Variants in BNIPL observed in about 807,000 individuals in gnomAD.
BNIPL encodes the protein bcl-2/adenovirus E1B 19 kDa-interacting protein 2-like protein.
Under a neutral mutation model 47.0 loss-of-function variants are expected in BNIPL, and 33 were observed. The ratio of observed to expected loss-of-function variants is 0.70; its 90% CI spans 0.53 to 0.94. The LOEUF (loss-of-function observed/expected upper bound fraction) is 0.94. BNIPL is among the 40% of genes least tolerant of loss of function. The pLI is 0.00. For missense variants in BNIPL, 404 were observed against 445.2 expected (o/e 0.91, Z 0.83); for synonymous variants, 145 against 162.7 (o/e 0.89, Z 0.83).
rs1185923090 is a variant in BNIPL at position 151,047,421 on chromosome 1, G to A, written c.*734G>A. ...AGCCAGCCTGCCTGCTGGGAGCCAG[G>A]AGAGTCAGCTCATTAAATCTTGAAG... On this transcript the variant is annotated 3_prime_UTR_variant, in exon 10 of 10. Transcript: ENST00000368931. The A allele has an allele frequency of 1.2e-5, 2 of 164,726 alleles. No individual in the cohort carries two copies. Among genetic ancestry groups the A allele is most frequent in the African/African-American group, 4.8e-5 (2 of 41,750 alleles). 10.2% of individuals were successfully genotyped at this position (164,726 alleles called of 1,614,324 possible).
chr1:151,045,065 C>G, intron 7 of BNIPL: 2 of 734,004 alleles, frequency 2.7e-6, no homozygotes, highest in Non-Finnish European at 3.7e-6. Flanking sequence ...GAGTTCAAGA[C>G]CAGCCTGGCC....
Position 151,038,000 on chromosome 1 carries a change from C to CAAAAAAA in BNIPL, c.137+361_137+367dup, listed in dbSNP as rs58423611. On this transcript the variant is annotated intron_variant, in intron 2 of 9. Transcript: ENST00000368931. The stretch of plus-strand genomic sequence containing the variant: ...GGGCAACAAGAGTGAAACTCTGTCT[C>CAAAAAAA]AAAAAAAAAAAAAAAAAAAAAAAAA... Among the ~76,000 whole-genome samples, 27 of 63,952 alleles carry CAAAAAAA rather than the reference C, an allele frequency of 4.2e-4. 2 individuals carry two copies. Among genetic ancestry groups the CAAAAAAA allele is most frequent in the African/African-American group, 1.7e-3 (18 of 10,690 alleles). The allele number at this position is 63,952 out of a possible 152,430, so 42.0% of individuals were successfully genotyped here.
intron 2 of BNIPL, 84 bp from the exon 3 acceptor site, chr1:151,038,420 T>G: frequency 1.0e-6 from 1 of 983,528 alleles, no homozygotes; most frequent in Non-Finnish European, 1.6e-6. Flanking sequence ...AAAATCATGG[T>G]GGGGAGAGAG....
chr1:151,045,466 G>C (rs927189404), intron 7 of BNIPL: 1 of 213,570 alleles, frequency 4.7e-6, no homozygotes, highest in African/African-American at 2.4e-5. Flanking sequence ...GGCTGAGGCA[G>C]GAGAATGGCA....
At chr1:151,042,895 T>C (rs1286491056) in intron 4 of BNIPL, 61 bp from the exon 5 acceptor site, 1 of 1,321,528 alleles carries the variant, frequency 7.6e-7, no homozygotes, top group African/African-American at 1.5e-5. Flanking sequence ...TCTGAGGAAG[T>C]TACAAAAAAC....
intron 7 of BNIPL, 93 bp from the exon 8 acceptor site, chr1:151,045,704 A>G: frequency 3.1e-6 from 5 of 1,590,346 alleles, no homozygotes; most frequent in Middle Eastern, 1.7e-4. Flanking sequence ...TAGAGAAGTG[A>G]ATGAAGGAAG....
In BNIPL at chr1:151,045,786, T is replaced by G. The variant is rs1571844513; in HGVS notation, c.852-11T>G. 1.2e-6 allele frequency: 2 copies of G among 1,614,140 alleles called. No individual in the cohort carries two copies. Among genetic ancestry groups the G allele is most frequent in the East Asian group, 4.5e-5 (2 of 44,878 alleles). On this transcript the variant is annotated splice_polypyrimidine_tract_variant and intron_variant, in intron 7 of 9. Coordinates refer to ENST00000368931, the MANE Select transcript of BNIPL (RefSeq NM_138278.4). ...GAAGAAGAAATAGGATGATCTCATG[T>G]TGTTTTTCAGGCTACGGAAAAACCT...
intron 4 of BNIPL, among the ~76,000 whole-genome samples, chr1:151,040,367 G>A (rs1156752926): frequency 6.6e-6 from 1 of 151,430 alleles, no homozygotes; most frequent in African/African-American, 2.4e-5. Context: ...TTTTTGTAGA[G>A]ACAGGGTCTT....
chr1:151,043,280 T>C lies in BNIPL; in HGVS notation c.617-52T>C, dbSNP rs1432831420. The C allele has an allele frequency of 1.3e-5, 20 of 1,524,150 alleles. No homozygotes were observed. In the South Asian group the frequency reaches 2.2e-4, roughly 17 times the overall value. 94.4% of individuals were successfully genotyped at this position (1,524,150 alleles called of 1,614,324 possible). A position where few individuals can be genotyped will look rare whatever the true frequency, so the allele number is the denominator to read the frequency against. ...TCCCTCAACTTAAACAGATATACTA[T>C]CTGTCAATACATATTTGTTGACCAA... On this transcript the variant is annotated intron_variant, in intron 5 of 9. Transcript: ENST00000368931.
Position 151,038,862 on chromosome 1 carries a change from C to G in BNIPL, c.269C>G (p.Pro90Arg), listed in dbSNP as rs778641480. 5 of 1,613,948 alleles carry G rather than the reference C, an allele frequency of 3.1e-6. No individual in the cohort carries two copies. The highest frequency in any genetic ancestry group is 4.2e-6 in the Non-Finnish European group (5 of 1,179,880). Reference protein sequence around the residue: ...QRPMRKRLSAPELRLSLTKGP... With the variant: ...QRPMRKRLSARELRLSLTKGP... ...CCCATGCGCAAGCGTCTTTCTGCCC[C>G]AGAGTTGCGGCTGAGTCTGACTAAG... Residue 90 changes from proline to arginine, a missense_variant, in exon 4 of 10, where the codon CCA becomes CGA. Coordinates refer to ENST00000368931, the MANE Select transcript of BNIPL (RefSeq NM_138278.4).
chr1:151,044,816 T>C, intron 7 of BNIPL: 1 of 1,286,948 alleles, frequency 7.8e-7, no homozygotes, highest in South Asian at 1.2e-5. Flanking sequence ...CCATCTCCAT[T>C]TGCTCACATT....
intron 1 of BNIPL, among the ~76,000 whole-genome samples, 186 bp downstream of exon 1, chr1:151,036,952 G>A (rs1031514635): frequency 6.6e-6 from 1 of 152,164 alleles, no homozygotes; most frequent in Non-Finnish European, 1.5e-5. Context: ...TGGAACTGGG[G>A]AACAGGATTC....
chr1:151,037,682 GC>G lies in BNIPL; in HGVS notation c.137+21del, dbSNP rs756981110. 2.6e-6 allele frequency: 4 copies of G among 1,566,276 alleles called. No individual in the cohort carries two copies. The highest frequency in any genetic ancestry group is 3.5e-6 in the Non-Finnish European group (4 of 1,151,470). Reference sequence around the variant, plus strand: ...CCCTAGGTGAGGACGTGTGAGGGTGGCTGGGAGAAGGGAGGGGTGGTCACGA... The same window carrying G: ...CCCTAGGTGAGGACGTGTGAGGGTGGTGGGAGAAGGGAGGGGTGGTCACGA... On this transcript the variant is annotated intron_variant, in intron 2 of 9. Coordinates refer to ENST00000368931, the MANE Select transcript of BNIPL (RefSeq NM_138278.4).
chr1:151,043,117 A>G lies in BNIPL; in HGVS notation c.595A>G (p.Lys199Glu). The G allele has an allele frequency of 6.2e-7, 1 of 1,613,350 alleles. No individual in the cohort carries two copies. The highest frequency in any genetic ancestry group is 1.7e-5 in the Admixed American group (1 of 59,764). ...RVDMTVIEPY[K>E]KVLSHGGYHG... ...AGACATGACTGTCATTGAGCCCTAT[A>G]AGAAAGTCCTGTCTCATGGAGGTAA... The change falls in exon 5 of 10, where the codon AAG becomes GAG. Residue 199 changes from lysine to glutamate, a missense_variant. By Grantham distance (56) the Lys-to-Glu change is moderately conservative. Transcript: ENST00000368931.
Position 151,038,913 on chromosome 1 carries a change from C to T in BNIPL, c.320C>T (p.Pro107Leu), listed in dbSNP as rs1478678863. ...GGGCCTGGAAATGATGGAGCTTCACCCACCCAGTCTGCACCTTCCTCTCCT... is the reference window on the plus strand; with the variant it reads ...GGGCCTGGAAATGATGGAGCTTCACTCACCCAGTCTGCACCTTCCTCTCCT... ...TKGPGNDGAS[P>L]TQSAPSSPDG... Residue 107 changes from proline (P) to leucine (L), a missense_variant, in exon 4 of 10, where the codon CCC (proline) becomes CTC (leucine). Coordinates refer to ENST00000368931, the MANE Select transcript of BNIPL (RefSeq NM_138278.4). 6.2e-7 allele frequency: 1 copy of T among 1,614,070 alleles called. No individual in the cohort carries two copies. Among genetic ancestry groups the T allele is most frequent in the Non-Finnish European group, 8.5e-7 (1 of 1,179,970 alleles).
chr1:151,044,256 A>AT (rs1675929703), intron 7 of BNIPL, among the ~76,000 whole-genome samples: 1 of 152,190 alleles, frequency 6.6e-6, no homozygotes, highest in South Asian at 2.1e-4. Context: ...AAATGCTGAG[A>AT]TTATAGGCAT....
rs2102969693 is a variant in BNIPL at position 151,047,187 on chromosome 1, C to T, written c.*500C>T. The T allele has an allele frequency of 6.5e-6, 1 of 153,664 alleles. No homozygotes were observed. 9.5% of individuals were successfully genotyped at this position (153,664 alleles called of 1,614,324 possible). On this transcript the variant is annotated 3_prime_UTR_variant, in exon 10 of 10. Transcript: ENST00000368931. ...ATGTTGGCCAGGATGGTCTCGATCT[C>T]TTGACCTCGTGATCTGCCCGCCTCG...
intron 6 of BNIPL, 74 bp downstream of exon 6, chr1:151,043,508 C>G (rs974355527): frequency 1.2e-5 from 19 of 1,554,462 alleles, no homozygotes; most frequent in Non-Finnish European, 1.4e-5. Flanking sequence ...CTTCAAAGAT[C>G]AGTAGCTGAT....
At position 151,041,112 on chromosome 1, in the gene BNIPL, G is replaced by A. The variant is rs115771746; in HGVS notation, c.434-1844G>A. ...AGGTGGGAGGATCACCTGAGCCTGG[G>A]AAGTAGAGGTTGTAGTGAGCCAAGA... is the stretch of plus-strand genomic sequence containing the variant. On this transcript the variant is annotated intron_variant, in intron 4 of 9. Transcript: ENST00000368931. Among the ~76,000 whole-genome samples the A allele has an allele frequency of 3.2e-3, 491 of 152,144 alleles. 1 individual carries two copies. Among genetic ancestry groups the A allele is most frequent in the African/African-American group, 0.012 (480 of 41,488 alleles).
Sources: allele counts gnomAD v4.1 joint callset (sites outside exome capture counted in the v4.1 genomes callset), GRCh38; gene constraint gnomAD v4.1.1; transcripts MANE v1.5; gene names NCBI Gene and HGNC (gene_info 2026-07-23, HGNC 2026-07-21).